Variants in PTCHD1 observed in about 807,000 individuals in gnomAD.
PTCHD1 encodes the protein patched domain-containing protein 1.
A neutral mutation model predicts 34.6 loss-of-function variants in PTCHD1; 3 were observed. The observed-to-expected ratio is 0.09, with a 90% CI of 0.04 to 0.22. The LOEUF is 0.22. Ranked by LOEUF, PTCHD1 falls within the 10% of genes least tolerant of loss-of-function variation. PTCHD1 has a pLI of 1.00. For synonymous variants in PTCHD1, 305 were observed against 283.1 expected, an observed-to-expected ratio of 1.08 and a Z score of -0.77; for missense variants, 504 against 685.5, an observed-to-expected ratio of 0.74 and a Z score of 2.96.
intron 1 of PTCHD1, among the ~76,000 whole-genome samples, chrX:23,335,801 T>C (rs994097051): frequency 2.7e-5 from 3 of 111,386 alleles, no homozygotes; most frequent in African/African-American, 9.8e-5. Flanking sequence ...AGAAGTGTGG[T>C]CTCTGGCGAG....
chrX:23,354,872 A>T (rs1237844069), intron 1 of PTCHD1, among the ~76,000 whole-genome samples: 1 of 106,729 alleles, frequency 9.4e-6, no homozygotes, highest in Non-Finnish European at 2.0e-5. Flanking sequence ...CACCCGGCCA[A>T]AATTCTTATT....
Position 23,392,695 on chromosome X carries a change from T to A in PTCHD1, c.1177T>A (p.Phe393Ile). 1 of 1,212,194 alleles carries A rather than the reference T, an allele frequency of 8.2e-7. No homozygotes were observed. Among genetic ancestry groups the A allele is most frequent in the Non-Finnish European group, 1.1e-6 (1 of 895,580 alleles). Residue 393 changes from phenylalanine (F) to isoleucine (I), a missense_variant, in exon 3 of 3, where the codon TTC (phenylalanine) becomes ATC (isoleucine). Transcript: ENST00000379361. Reference protein sequence around the residue: ...LVTFGIGASPFTNIEAARIFC... With the variant: ...LVTFGIGASPITNIEAARIFC... The stretch of plus-strand genomic sequence containing the variant: ...CACCTTTGGCATAGGGGCCAGCCCT[T>A]TCACGAACATTGAGGCAGCCAGGAT...
Position 23,335,023 on chromosome X carries a change from G to A in PTCHD1, c.148G>A (p.Glu50Lys). The part of the protein sequence containing the change: ...GASFSRYQVE[E>K]SVEHLLAPQH... ...CAGCTTCAGCCGCTACCAGGTCGAGGAGAGCGTGGAGCACCTGCTGGCGCC... is the reference window on the plus strand; with the variant it reads ...CAGCTTCAGCCGCTACCAGGTCGAGAAGAGCGTGGAGCACCTGCTGGCGCC... The change falls in exon 1 of 3, where the codon GAG (glutamate) becomes AAG (lysine). Residue 50 changes from glutamate (E) to lysine (K), a missense_variant. By Grantham distance (56) the Glu-to-Lys change is moderately conservative. Coordinates refer to ENST00000379361, the MANE Select transcript of PTCHD1 (RefSeq NM_173495.3). 5.8e-6 allele frequency: 7 copies of A among 1,211,375 alleles called. No homozygotes were observed. The highest frequency in any genetic ancestry group is 7.8e-6 in the Non-Finnish European group (7 of 895,295).
rs759266379 is a variant in PTCHD1 at position 23,402,207 on chromosome X, G to A, written c.*8022G>A. 2 of 111,461 alleles carry A rather than the reference G, an allele frequency of 1.8e-5. No individual in the cohort carries two copies. Among genetic ancestry groups the A allele is most frequent in the South Asian group, 7.6e-4 (2 of 2,628 alleles). 9.2% of individuals were successfully genotyped at this position (111,461 alleles called of 1,213,427 possible). A position where few individuals can be genotyped will look rare whatever the true frequency, so the allele number is the denominator to read the frequency against. On this transcript the variant is annotated 3_prime_UTR_variant, in exon 3 of 3. Coordinates refer to ENST00000379361, the MANE Select transcript of PTCHD1 (RefSeq NM_173495.3). ...AAGGAAAGGAAGTGCCATGCATGGA[G>A]GCCTGGTGATAGGCAACATCCATTT...
At chrX:23,358,204 T>C (rs1921863383) in intron 1 of PTCHD1, among the ~76,000 whole-genome samples, 1 of 112,016 alleles carries the variant, frequency 8.9e-6, no homozygotes, top group African/African-American at 3.2e-5. Flanking sequence ...AAAAGGTATT[T>C]CTACCTCTAG....
chrX:23,382,356 AAGTT>A (rs1922588630), intron 2 of PTCHD1, among the ~76,000 whole-genome samples: 1 of 112,987 alleles, frequency 8.9e-6, no homozygotes, highest in Non-Finnish European at 1.9e-5. Flanking sequence ...AAACTTCTTA[AAGTT>A]AGTTTTATAA....
At chrX:23,382,949 C>T (rs1294054383) in intron 2 of PTCHD1, among the ~76,000 whole-genome samples, 4 of 112,377 alleles carry the variant, frequency 3.6e-5, no homozygotes, top group African/African-American at 9.7e-5. Flanking sequence ...CTCAGATAAA[C>T]TCTTCATTTT....
chrX:23,363,638 G>A (rs948344173), intron 1 of PTCHD1, among the ~76,000 whole-genome samples: 51 of 112,804 alleles, frequency 4.5e-4, no homozygotes, highest in Admixed American at 2.7e-3. Context: ...CCCTGCTTCG[G>A]CTCACCCTCT....
chrX:23,346,777 C>T (rs1310052070), intron 1 of PTCHD1, among the ~76,000 whole-genome samples: 2 of 111,670 alleles, frequency 1.8e-5, no homozygotes, highest in African/African-American at 6.5e-5. Flanking sequence ...TGTTCAGTGT[C>T]AATTACTGTT....
chrX:23,366,873 A>G (rs998235280), intron 1 of PTCHD1, among the ~76,000 whole-genome samples: 1 of 109,189 alleles, frequency 9.2e-6, no homozygotes, highest in Non-Finnish European at 1.9e-5. Context: ...TCTCCTTTCC[A>G]GCTCTTATTC....
chrX:23,370,013 A>G (rs1010768392), intron 1 of PTCHD1, among the ~76,000 whole-genome samples: 8 of 112,621 alleles, frequency 7.1e-5, no homozygotes, highest in Non-Finnish European at 1.5e-4. Flanking sequence ...TGAAGTAGAC[A>G]AGACACAACA....
In PTCHD1 at chrX:23,394,283, G is replaced by A. The variant is rs923458186; in HGVS notation, c.*98G>A. The A allele has an allele frequency of 8.4e-5, 12 of 143,400 alleles. No homozygotes were observed. The South Asian group carries it at 1.5e-3, about 18-fold the overall frequency. The allele number at this position is 143,400 out of a possible 1,213,427, so 11.8% of individuals were successfully genotyped here. A position where few individuals can be genotyped will look rare whatever the true frequency, so the allele number is the denominator to read the frequency against. On this transcript the variant is annotated 3_prime_UTR_variant, in exon 3 of 3. Transcript: ENST00000379361. Reference sequence around the variant, plus strand: ...ATTCAAAGTTCTTCCCTTTTTTAAAGATAGGAAACAGGCATTGCCAAAAAA... The same window carrying A: ...ATTCAAAGTTCTTCCCTTTTTTAAAAATAGGAAACAGGCATTGCCAAAAAA...
chrX:23,348,721 A>G (rs1400715237), intron 1 of PTCHD1, among the ~76,000 whole-genome samples: 1 of 111,991 alleles, frequency 8.9e-6, no homozygotes, highest in Admixed American at 9.4e-5. Context: ...TGAAGGAGAT[A>G]TAAAGACTTT....
At chrX:23,364,487 T>A (rs1347656950) in intron 1 of PTCHD1, among the ~76,000 whole-genome samples, 1 of 107,793 alleles carries the variant, frequency 9.3e-6, no homozygotes. Context: ...CATCCAACAA[T>A]GGTGAGTACC....
rs779650716 is a variant in PTCHD1, at chrX:23,384,144, T to C, written c.1012+3893T>C. 2.1e-4 allele frequency among the ~76,000 whole-genome samples: 24 copies of C among 112,474 alleles called. No homozygotes were observed. In the South Asian group the frequency reaches 7.7e-3, roughly 36 times the overall value. ...TTCTCCCTTCTGCATCTGGAAGGTT[T>C]GTTGCTTCATGTACATCCTGTACAG... is the stretch of plus-strand genomic sequence containing the variant. On this transcript the variant is annotated intron_variant, in intron 2 of 2. Coordinates refer to ENST00000379361, the MANE Select transcript of PTCHD1 (RefSeq NM_173495.3).
chrX:23,385,283 G>A (rs1245639321), intron 2 of PTCHD1, among the ~76,000 whole-genome samples: 1 of 111,430 alleles, frequency 9.0e-6, no homozygotes. Context: ...ATAGGTTTAG[G>A]GGAATGGAAC....
rs1922352603 is a variant in PTCHD1, at chrX:23,374,309, AC to A, written c.352-5279del. 4.4e-4 allele frequency among the ~76,000 whole-genome samples: 13 copies of A among 29,235 alleles called. No individual in the cohort carries two copies. In the East Asian group the frequency reaches 7.3e-3, roughly 16 times the overall value. The allele number at this position is 29,235 out of a possible 115,157, so 25.4% of individuals were successfully genotyped here. A position where few individuals can be genotyped will look rare whatever the true frequency, so the allele number is the denominator to read the frequency against. On this transcript the variant is annotated intron_variant, in intron 1 of 2. Transcript: ENST00000379361. ...AAAAAAAAAAAAAAAAAAAAAAAAA[AC>A]CCAAAACCCTGCAAGGTATTGTATA...
At chrX:23,337,825 C>T (rs757213497) in intron 1 of PTCHD1, among the ~76,000 whole-genome samples, 1 of 110,565 alleles carries the variant, frequency 9.0e-6, no homozygotes, top group South Asian at 4.0e-4. Context: ...TTGCTTCAAG[C>T]ATGAAGAGTA....
chrX:23,388,696 T>C (rs1271466698), intron 2 of PTCHD1, among the ~76,000 whole-genome samples: 1 of 111,899 alleles, frequency 8.9e-6, no homozygotes, highest in East Asian at 2.8e-4. Context: ...CTGGGCGTGG[T>C]GGCATGTGCC....
Sources: gnomAD v4.1 joint callset for allele counts (sites outside exome capture counted in the v4.1 genomes callset) on GRCh38, gnomAD v4.1.1 for gene constraint, MANE v1.5 for transcripts, NCBI Gene and HGNC (gene_info 2026-07-23, HGNC 2026-07-21) for gene names.